KIF27: variants seen among roughly 807,000 people sequenced by gnomAD.
KIF27 encodes kinesin family member 27, also known as kinesin-like protein KIF27.
KIF27 carries 84 observed loss-of-function variants against 141.8 expected under a neutral mutation model. The ratio of observed to expected loss-of-function variants is 0.59; its 90% confidence interval spans 0.50 to 0.71. The LOEUF is 0.71. Ranked by LOEUF, KIF27 falls within the 30% of genes least tolerant of loss-of-function variation. The pLI, the probability that KIF27 is intolerant of heterozygous loss-of-function variation, is 0.00. For synonymous variants in KIF27, 471 were observed against 569.5 expected (o/e 0.83, Z 2.46); for missense variants, 1,306 against 1,628.4 (o/e 0.80, Z 3.41).
intron 16 of KIF27, among the ~76,000 whole-genome samples, chr9:83,849,769 T>TA (rs1948320946): frequency 1.3e-5 from 2 of 151,360 alleles, no homozygotes; most frequent in Non-Finnish European, 1.5e-5. Context: ...CCCTGAGAAA[T>TA]AAAAAAAAAT....
intron 13 of KIF27, among the ~76,000 whole-genome samples, chr9:83,862,978 T>C (rs1211043686): frequency 2.0e-5 from 3 of 152,204 alleles, no homozygotes; most frequent in Non-Finnish European, 2.9e-5. Context: ...TCTCTGTTTG[T>C]CTGTTATTGG....
At chr9:83,896,682 T>C (rs1953293023) in intron 5 of KIF27, among the ~76,000 whole-genome samples, 1 of 152,238 alleles carries the variant, frequency 6.6e-6, no homozygotes, top group East Asian at 1.9e-4. Flanking sequence ...TAATTAATGT[T>C]AACCAACTTG....
intron 9 of KIF27, among the ~76,000 whole-genome samples, chr9:83,885,285 G>T (rs1182439076): frequency 2.0e-5 from 3 of 152,022 alleles, no homozygotes; most frequent in African/African-American, 7.2e-5. Context: ...TAGAGACAGG[G>T]TTTCACCATG....
chr9:83,899,722 A>G lies in KIF27; in HGVS notation c.1541T>C (p.Val514Ala). 4 of 1,613,520 alleles carry G rather than the reference A, an allele frequency of 2.5e-6. No individual in the cohort carries two copies. The highest frequency in any genetic ancestry group is 3.4e-6 in the Non-Finnish European group (4 of 1,179,544). The change falls in exon 5 of 18, where the codon GTA becomes GCA. Residue 514 changes from valine (V) to alanine (A), a missense_variant. Transcript: ENST00000297814. ...TACAGCATGCCCTTTGTTTTCCTGT[A>G]CCATCATCTGCACTTGATTCTTCAG... Reference protein sequence around the residue: ...KELKNQVQMMVQENKGHAVSL... With the variant: ...KELKNQVQMMAQENKGHAVSL...
At chr9:83,851,135 C>T (rs1039406733) in intron 15 of KIF27, among the ~76,000 whole-genome samples, 8 of 152,034 alleles carry the variant, frequency 5.3e-5, no homozygotes, top group East Asian at 2.0e-4. Flanking sequence ...CACGCCCAGC[C>T]GACACTTTCA....
chr9:83,889,889 T>G (rs560603289), intron 6 of KIF27, among the ~76,000 whole-genome samples: 105 of 152,330 alleles, frequency 6.9e-4, no homozygotes, highest in South Asian at 1.9e-3. Context: ...ATTCTTCTAT[T>G]GGAAATGCAC....
intron 2 of KIF27, among the ~76,000 whole-genome samples, chr9:83,912,633 T>C (rs1242474277): frequency 6.6e-6 from 1 of 152,176 alleles, no homozygotes; most frequent in Admixed American, 6.5e-5. Flanking sequence ...AAAGCTCCAA[T>C]ATGTATTTTG....
At chr9:83,902,317 G>A (rs1416445541) in intron 4 of KIF27, among the ~76,000 whole-genome samples, 1 of 152,176 alleles carries the variant, frequency 6.6e-6, no homozygotes, top group East Asian at 1.9e-4. Flanking sequence ...GAACCATGTT[G>A]TCTCAGGAAC....
At chr9:83,904,289 G>C (rs954306885) in intron 3 of KIF27, among the ~76,000 whole-genome samples, 6 of 152,132 alleles carry the variant, frequency 3.9e-5, no homozygotes, top group African/African-American at 1.4e-4. Flanking sequence ...CTTGAGTCAT[G>C]AGTCACACTC....
intron 16 of KIF27, among the ~76,000 whole-genome samples, chr9:83,848,334 T>TATCATATATGATATATATGATATATC: frequency 1.1e-5 from 1 of 95,104 alleles, no homozygotes; most frequent in African/African-American, 4.3e-5. Context: ...TATATATCTA[T>TATCATATATGATATATATGATATATC]ATATATCTAT....
intron 2 of KIF27, among the ~76,000 whole-genome samples, chr9:83,910,542 G>C (rs1369333542): frequency 6.6e-6 from 1 of 152,206 alleles, no homozygotes; most frequent in Non-Finnish European, 1.5e-5. Flanking sequence ...CAAGGAGCTT[G>C]AGAGTAGAAA....
chr9:83,869,195 T>C lies in KIF27; in HGVS notation c.2757+1324A>G, dbSNP rs541500238. 7.9e-5 allele frequency among the ~76,000 whole-genome samples: 12 copies of C among 152,136 alleles called. No homozygotes were observed. In the South Asian group the frequency reaches 2.3e-3, roughly 29 times the overall value. ...ATTAAATGTCACTAAGAAAATGTAA[T>C]GTAAAATTTATGAAGAGAGAATAAA... On this transcript the variant is annotated intron_variant, in intron 12 of 17. Coordinates refer to ENST00000297814, the MANE Select transcript of KIF27 (RefSeq NM_017576.4).
chr9:83,857,417 C>T (rs1246133220), intron 14 of KIF27, among the ~76,000 whole-genome samples: 1 of 152,020 alleles, frequency 6.6e-6, no homozygotes, highest in African/African-American at 2.4e-5. Flanking sequence ...CTAAGAAGAA[C>T]CAACCATGTG....
At chr9:83,858,912 T>C (rs1949567463) in intron 14 of KIF27, 1 of 521,288 alleles carries the variant, frequency 1.9e-6, no homozygotes, top group Admixed American at 3.2e-5. Context: ...AAAGTAATAG[T>C]TTCCAAATGC....
At chr9:83,848,070 G>GATATATATGATATATCAT (rs10622451) in intron 16 of KIF27, among the ~76,000 whole-genome samples, 2 of 43,240 alleles carry the variant, frequency 4.6e-5, no homozygotes, top group African/African-American at 3.3e-4. Context: ...TCATATATAT[G>GATATATATGATATATCAT]ATATATGATA....
chr9:83,891,693 T>C (rs1166048761), intron 5 of KIF27, among the ~76,000 whole-genome samples, 192 bp from the exon 6 acceptor site: 6 of 152,252 alleles, frequency 3.9e-5, no homozygotes, highest in African/African-American at 1.2e-4. Context: ...ACCTTTTTAA[T>C]AGTAAGGAGC....
intron 14 of KIF27, among the ~76,000 whole-genome samples, chr9:83,857,476 T>C (rs1442332271): frequency 6.6e-6 from 1 of 152,128 alleles, no homozygotes; most frequent in Non-Finnish European, 1.5e-5. Flanking sequence ...CTCTACCAGT[T>C]GTAGGAGGCT....
rs1463538194 is a variant in KIF27, at chr9:83,862,525, C to T, written c.2935-3154G>A. Among the ~76,000 whole-genome samples the T allele has an allele frequency of 3.9e-5, 6 of 151,954 alleles. No homozygotes were observed. The East Asian group carries it at 5.8e-4, about 15-fold the overall frequency. ...TTTCTGAGGGCTCTGTTCTGTTCCA[C>T]TGGTCTATATCTCTGTTTTGGTACC... On this transcript the variant is annotated intron_variant, in intron 13 of 17. Transcript: ENST00000297814.
intron 7 of KIF27, 32 bp from the exon 8 acceptor site, chr9:83,888,624 G>C: frequency 1.5e-6 from 2 of 1,331,704 alleles, no homozygotes; most frequent in South Asian, 1.3e-5. Context: ...TAACTTATTT[G>C]TTCGTGTTTT....
Sources: gnomAD v4.1 joint callset for allele counts (sites outside exome capture counted in the v4.1 genomes callset) on GRCh38, gnomAD v4.1.1 for gene constraint, MANE v1.5 for transcripts, NCBI Gene and HGNC (gene_info 2026-07-23, HGNC 2026-07-21) for gene names.